ASIC2: variants seen among roughly 807,000 people sequenced by gnomAD.
ASIC2 encodes acid-sensing ion channel 2.
Under a neutral mutation model 57.3 loss-of-function variants are expected in ASIC2, and 25 were observed. That is an observed-to-expected ratio of 0.44 (90% CI 0.32 to 0.61). The LOEUF (loss-of-function observed/expected upper bound fraction) is 0.61, where lower values mean the gene tolerates loss of function less well. Among genes scored for constraint, ASIC2 ranks in the 20% least tolerant of loss-of-function variants. The pLI is 0.06. For missense variants in ASIC2, 641 were observed against 738.1 expected (o/e 0.87, Z 1.52); for synonymous variants, 319 against 307.5 (o/e 1.04, Z -0.39).
chr17:33,185,984 T>A (rs1906176843), intron 1 of ASIC2, among the ~76,000 whole-genome samples: 1 of 152,216 alleles, frequency 6.6e-6, no homozygotes. Flanking sequence ...AGCAAACATT[T>A]TCTGTAAAGG....
At chr17:33,852,986 T>A (rs1295058911) in intron 1 of ASIC2, among the ~76,000 whole-genome samples, 1 of 152,070 alleles carries the variant, frequency 6.6e-6, no homozygotes, top group Admixed American at 6.5e-5. Context: ...CCTAAAGCCT[T>A]TCCCCCCCGT....
At chr17:33,293,318 C>A (rs953716221), upstream of ASIC2, among the ~76,000 whole-genome samples, 3 of 152,062 alleles carry the variant, frequency 2.0e-5, no homozygotes, top group Admixed American at 6.6e-5. Context: ...CGGCGGCGGC[C>A]GTGAGCGCCG....
chr17:33,290,774 C>T (rs1233928445), intron 1 of ASIC2: 2 of 152,176 alleles, frequency 1.3e-5, no homozygotes, highest in Non-Finnish European at 2.9e-5. Context: ...GAAAAAGTAG[C>T]CAAAGCATGC....
chr17:33,730,871 C>T (rs1204958864), intron 1 of ASIC2, among the ~76,000 whole-genome samples: 1 of 152,162 alleles, frequency 6.6e-6, no homozygotes, highest in African/African-American at 2.4e-5. Context: ...AGATATATCC[C>T]CCCTGTTTCC....
At chr17:33,743,573 A>G (rs941800279) in intron 1 of ASIC2, among the ~76,000 whole-genome samples, 1 of 152,250 alleles carries the variant, frequency 6.6e-6, no homozygotes, top group African/African-American at 2.4e-5. Context: ...TTCCCTCCAT[A>G]ATACAGGTGA....
chr17:33,138,738 T>C (rs920957462), intron 1 of ASIC2, among the ~76,000 whole-genome samples: 4 of 131,540 alleles, frequency 3.0e-5, no homozygotes, highest in Admixed American at 1.4e-4. Context: ...TTTTTAGACA[T>C]GCCAGCAAGT....
At chr17:33,952,470 G>A (rs66986623) in intron 1 of ASIC2, among the ~76,000 whole-genome samples, 1 of 152,078 alleles carries the variant, frequency 6.6e-6, no homozygotes. Context: ...GCTGTGAAGA[G>A]GAAAGAAGCT....
At chr17:33,711,428 A>T (rs7215970) in intron 1 of ASIC2, among the ~76,000 whole-genome samples, 16 of 151,988 alleles carry the variant, frequency 1.1e-4, no homozygotes, top group African/African-American at 3.1e-4. Flanking sequence ...ATCCTCCTCC[A>T]TATGCGGTCA....
chr17:33,848,534 G>A (rs1192931737), intron 1 of ASIC2, among the ~76,000 whole-genome samples: 2 of 152,202 alleles, frequency 1.3e-5, no homozygotes, highest in African/African-American at 4.8e-5. Flanking sequence ...AGGCTCTCAT[G>A]CCCTTAGGGA....
intron 1 of ASIC2, among the ~76,000 whole-genome samples, chr17:33,804,423 T>C (rs1267018316): frequency 1.3e-5 from 2 of 152,146 alleles, no homozygotes; most frequent in East Asian, 1.9e-4. Flanking sequence ...CCAAGAAGCC[T>C]CCACCCACTG....
At chr17:33,876,734 A>G (rs184934618) in intron 1 of ASIC2, among the ~76,000 whole-genome samples, 23 of 152,362 alleles carry the variant, frequency 1.5e-4, no homozygotes, top group African/African-American at 5.0e-4. Flanking sequence ...GAGCAAGTCC[A>G]GTCCAGCCTC....
chr17:33,353,717 T>C (rs1276180085), intron 1 of ASIC2, among the ~76,000 whole-genome samples: 1 of 152,150 alleles, frequency 6.6e-6, no homozygotes, highest in Non-Finnish European at 1.5e-5. Context: ...GACCTCTTCT[T>C]CCTAGGAGTC....
chr17:33,726,318 C>A (rs1012979783), intron 1 of ASIC2, among the ~76,000 whole-genome samples: 1 of 152,116 alleles, frequency 6.6e-6, no homozygotes, highest in African/African-American at 2.4e-5. Context: ...GAGATTGGAG[C>A]AAAACCAGCA....
At chr17:33,321,901 A>G (rs1218111057) in intron 1 of ASIC2, among the ~76,000 whole-genome samples, 1 of 152,200 alleles carries the variant, frequency 6.6e-6, no homozygotes, top group African/African-American at 2.4e-5. Context: ...GGTTTGGACC[A>G]GACATTTCAC....
intron 1 of ASIC2, among the ~76,000 whole-genome samples, chr17:33,117,337 G>A (rs772493589): frequency 3.3e-5 from 5 of 151,732 alleles, no homozygotes; most frequent in East Asian, 1.9e-4. Flanking sequence ...CACCATGCCC[G>A]CCTAATGTTT....
chr17:33,834,905 A>G (rs1489709666), intron 1 of ASIC2, among the ~76,000 whole-genome samples: 2 of 152,216 alleles, frequency 1.3e-5, no homozygotes, highest in Admixed American at 1.3e-4. Context: ...GACTACACCT[A>G]GGACAGTATT....
intron 3 of ASIC2, among the ~76,000 whole-genome samples, chr17:33,048,059 C>T (rs1007684361): frequency 6.6e-6 from 1 of 152,168 alleles, no homozygotes; most frequent in East Asian, 1.9e-4. Flanking sequence ...GTTGGAGTCC[C>T]TGGTGTCTGT....
At chr17:33,110,697 G>A (rs16968020) in intron 2 of ASIC2, among the ~76,000 whole-genome samples, 25,995 of 152,158 alleles carry the variant, frequency 0.17, 2,431 homozygotes, top group Non-Finnish European at 0.21. Flanking sequence ...GGAAGCCCTC[G>A]CTGTCTCAGC....
intron 1 of ASIC2, among the ~76,000 whole-genome samples, chr17:33,470,056 C>T (rs937963125): frequency 1.3e-5 from 2 of 152,108 alleles, no homozygotes; most frequent in East Asian, 1.9e-4. Flanking sequence ...AAATGGGGAA[C>T]ATGCATGGAG....
Sources: allele counts gnomAD v4.1 joint callset (sites outside exome capture counted in the v4.1 genomes callset), GRCh38; gene constraint gnomAD v4.1.1; transcripts MANE v1.5; gene names NCBI Gene and HGNC (gene_info 2026-07-23, HGNC 2026-07-21).